Variants in SPIDR observed in about 807,000 individuals in gnomAD.
The protein encoded by SPIDR is DNA repair-scaffolding protein.
SPIDR carries 93 observed loss-of-function variants against 104.6 expected under a neutral mutation model. The observed-to-expected ratio is 0.89, with a 90% CI of 0.75 to 1.06. The LOEUF (loss-of-function observed/expected upper bound fraction) is 1.06, where lower values mean the gene tolerates loss of function less well. Ranked by LOEUF, SPIDR falls within the 50% of genes least tolerant of loss-of-function variation. SPIDR has a pLI of 0.00. For synonymous variants in SPIDR, 431 were observed against 416.9 expected (o/e 1.03, Z -0.41); for missense variants, 1,154 against 1,111.2 (o/e 1.04, Z -0.55).
chr8:47,370,099 T>C (rs1240104647), intron 5 of SPIDR, among the ~76,000 whole-genome samples: 1 of 152,168 alleles, frequency 6.6e-6, no homozygotes, highest in African/African-American at 2.4e-5. Context: ...AAAAAGATGG[T>C]CTTGTAGGCA....
At chr8:47,404,640 A>T (rs1026389136) in intron 6 of SPIDR, among the ~76,000 whole-genome samples, 7 of 152,308 alleles carry the variant, frequency 4.6e-5, no homozygotes, top group Non-Finnish European at 8.8e-5. Context: ...GCAAATCAAA[A>T]CCACAATGAG....
chr8:47,537,734 C>T (rs1482548440), intron 8 of SPIDR, among the ~76,000 whole-genome samples: 1 of 152,104 alleles, frequency 6.6e-6, no homozygotes. Context: ...ATTGGCTCAC[C>T]AGCTGTAATA....
intron 8 of SPIDR, among the ~76,000 whole-genome samples, chr8:47,490,472 T>A (rs2078495123): frequency 1.3e-5 from 2 of 152,178 alleles, no homozygotes; most frequent in South Asian, 4.1e-4. Flanking sequence ...GAAATACCAT[T>A]TGACCCAGCC....
At chr8:47,734,728 T>TG (rs1422188197) in intron 19 of SPIDR, among the ~76,000 whole-genome samples, 2 of 152,150 alleles carry the variant, frequency 1.3e-5, no homozygotes, top group African/African-American at 2.4e-5. Flanking sequence ...TGGTCAGGGA[T>TG]GGGGGCCAAG....
At chr8:47,715,845 GT>G (rs1440622874) in intron 16 of SPIDR, among the ~76,000 whole-genome samples, 2 of 152,100 alleles carry the variant, frequency 1.3e-5, no homozygotes, top group African/African-American at 4.8e-5. Context: ...GAAATTTGGG[GT>G]ATGAATCCAG....
At chr8:47,654,526 C>G (rs770749817) in intron 10 of SPIDR, among the ~76,000 whole-genome samples, 3 of 152,172 alleles carry the variant, frequency 2.0e-5, no homozygotes, top group Non-Finnish European at 4.4e-5. Flanking sequence ...TACATTAGCT[C>G]TGTATTCATT....
At chr8:47,425,006 T>C (rs782118422) in intron 7 of SPIDR, among the ~76,000 whole-genome samples, 25 of 152,222 alleles carry the variant, frequency 1.6e-4, no homozygotes, top group Non-Finnish European at 1.9e-4. Context: ...AGATACTTTA[T>C]TTTTGAAATT....
At chr8:47,720,681 G>A (rs1589514659) in intron 16 of SPIDR, among the ~76,000 whole-genome samples, 1 of 151,932 alleles carries the variant, frequency 6.6e-6, no homozygotes, top group South Asian at 2.1e-4. Context: ...TTATTGTTGA[G>A]TTTTAAGTGT....
At chr8:47,335,682 C>G (rs1465092240) in intron 5 of SPIDR, among the ~76,000 whole-genome samples, 2 of 152,184 alleles carry the variant, frequency 1.3e-5, no homozygotes, top group Non-Finnish European at 1.5e-5. Flanking sequence ...AACTCCTGGC[C>G]TCAAGTGATA....
chr8:47,549,159 C>T (rs1209456400), intron 8 of SPIDR, among the ~76,000 whole-genome samples: 1 of 152,166 alleles, frequency 6.6e-6, no homozygotes, highest in Non-Finnish European at 1.5e-5. Context: ...TTTCTTAATC[C>T]AGTCTATCAT....
intron 10 of SPIDR, among the ~76,000 whole-genome samples, chr8:47,651,557 A>G (rs917949495): frequency 4.6e-5 from 7 of 152,350 alleles, no homozygotes; most frequent in African/African-American, 1.7e-4. Flanking sequence ...TTAAAGAGCT[A>G]AAAGTAGATC....
chr8:47,529,259 A>G (rs1363491731), intron 8 of SPIDR, among the ~76,000 whole-genome samples: 1 of 152,062 alleles, frequency 6.6e-6, no homozygotes, highest in African/African-American at 2.4e-5. Context: ...TCTACTAAAA[A>G]TACAAAAAAT....
At chr8:47,386,902 G>GATATATAGATAT (rs1554648585) in intron 5 of SPIDR, among the ~76,000 whole-genome samples, 1 of 99,336 alleles carries the variant, frequency 1.0e-5, no homozygotes, top group Non-Finnish European at 2.1e-5. Flanking sequence ...AAGAGAGAGA[G>GATATATAGATAT]AGATATAGAT....
intron 5 of SPIDR, among the ~76,000 whole-genome samples, chr8:47,334,148 T>C (rs139233504): frequency 6.6e-6 from 1 of 152,224 alleles, no homozygotes; most frequent in South Asian, 2.1e-4. Context: ...GTTATATAAT[T>C]TCTGTTTTTA....
intron 1 of SPIDR, among the ~76,000 whole-genome samples, chr8:47,273,915 A>G (rs1176586739): frequency 6.6e-6 from 1 of 152,094 alleles, no homozygotes; most frequent in Non-Finnish European, 1.5e-5. Flanking sequence ...ATAAAGCTTG[A>G]TCTCCAGCCT....
At chr8:47,308,153 C>G (rs911209820) in intron 5 of SPIDR, among the ~76,000 whole-genome samples, 6 of 150,998 alleles carry the variant, frequency 4.0e-5, no homozygotes, top group African/African-American at 9.8e-5. Flanking sequence ...CCTCTACCTC[C>G]TGGGTTCAGC....
chr8:47,728,921 T>A lies in SPIDR; in HGVS notation c.2436-12T>A. 6.3e-7 allele frequency: 1 copy of A among 1,596,416 alleles called. No homozygotes were observed. The highest frequency in any genetic ancestry group is 1.1e-5 in the South Asian group (1 of 89,274). ...CCGGGGCCTTGTCTTTCCTTGGCTT[T>A]TCATATACCAGAGGCGCCTTTTCCT... On this transcript the variant is annotated splice_polypyrimidine_tract_variant and intron_variant, in intron 17 of 19. Transcript: ENST00000297423.
intron 8 of SPIDR, among the ~76,000 whole-genome samples, chr8:47,569,279 CAG>C (rs757366524): frequency 1.3e-5 from 2 of 152,086 alleles, no homozygotes; most frequent in African/African-American, 4.8e-5. Flanking sequence ...TAAAAATTGA[CAG>C]AGTCAAAGGG....
intron 9 of SPIDR, among the ~76,000 whole-genome samples, chr8:47,597,338 G>A (rs976093151): frequency 6.6e-6 from 1 of 151,990 alleles, no homozygotes; most frequent in Non-Finnish European, 1.5e-5. Flanking sequence ...TTAGCATTAG[G>A]TATATCTCCT....
Sources: gnomAD v4.1 joint callset for allele counts (sites outside exome capture counted in the v4.1 genomes callset) on GRCh38, gnomAD v4.1.1 for gene constraint, MANE v1.5 for transcripts, NCBI Gene and HGNC (gene_info 2026-07-23, HGNC 2026-07-21) for gene names.